QTGAL: variants seen among roughly 807,000 people sequenced by gnomAD.
QTGAL encodes the protein BGnT-like protein 1.
At chr17:83,018,610 T>C in the QTGAL span, among the ~76,000 whole-genome samples, 1 of 152,214 alleles carries the variant, frequency 6.6e-6, no homozygotes, top group Admixed American at 6.5e-5. Context: ...AGGGTTAAAA[T>C]TGGATAGAAC....
At chr17:83,038,155 T>G in the QTGAL span, among the ~76,000 whole-genome samples, 1 of 152,210 alleles carries the variant, frequency 6.6e-6, no homozygotes, top group Non-Finnish European at 1.5e-5. Flanking sequence ...ATCTATGTTA[T>G]CTAATAGTCA....
At chr17:83,002,372 A>G in the QTGAL span, among the ~76,000 whole-genome samples, 5 of 152,214 alleles carry the variant, frequency 3.3e-5, no homozygotes, top group Non-Finnish European at 7.4e-5. Flanking sequence ...GCCGAACCGC[A>G]TTCCGGTTTG....
the QTGAL span, among the ~76,000 whole-genome samples, chr17:83,016,520 C>T: frequency 8.7e-6 from 1 of 115,242 alleles, no homozygotes; most frequent in African/African-American, 3.3e-5. Flanking sequence ...GGGAAGAGGG[C>T]AGAAGAGGAG....
chr17:83,042,679 G>T, the QTGAL span, among the ~76,000 whole-genome samples: 1 of 148,362 alleles, frequency 6.7e-6, no homozygotes, highest in Non-Finnish European at 1.5e-5. Flanking sequence ...ATAGCAAAGT[G>T]GCAAAAGTCC....
chr17:82,965,239 C>G, the QTGAL span, among the ~76,000 whole-genome samples: 3 of 151,258 alleles, frequency 2.0e-5, no homozygotes, highest in African/African-American at 4.9e-5. Flanking sequence ...GGTGCACCCC[C>G]ATGGGGGGGA....
the QTGAL span, chr17:82,956,553 C>T: frequency 0.045 from 43,204 of 956,176 alleles, 2,665 homozygotes; most frequent in African/African-American, 0.26. This position sits in a 1 kb window ranked among gnomAD's most constrained non-coding sequence, Gnocchi z 5.7. Flanking sequence ...CTGTTGTGGA[C>T]GGCTGTGGCA....
At chr17:83,024,558 C>T in the QTGAL span, among the ~76,000 whole-genome samples, 9 of 152,286 alleles carry the variant, frequency 5.9e-5, no homozygotes, top group South Asian at 1.9e-3. Flanking sequence ...GTGTAGAGAC[C>T]GGGCTCTCTG....
the QTGAL span, chr17:83,005,459 G>A: frequency 9.5e-6 from 6 of 634,056 alleles, no homozygotes; most frequent in Admixed American, 2.3e-5. This position sits in a 1 kb window ranked among gnomAD's most constrained non-coding sequence, Gnocchi z 5.6. Context: ...GCATCTCGGC[G>A]GTGAACCACA....
the QTGAL span, among the ~76,000 whole-genome samples, chr17:83,039,269 C>G: frequency 7.4e-6 from 1 of 135,806 alleles, no homozygotes; most frequent in Non-Finnish European, 1.6e-5. Context: ...CGCCCCTGTT[C>G]TAGACACACT....
At chr17:83,041,359 T>G in the QTGAL span, among the ~76,000 whole-genome samples, 1 of 152,194 alleles carries the variant, frequency 6.6e-6, no homozygotes, top group African/African-American at 2.4e-5. Context: ...AATTCTCATA[T>G]TATTGAAAAA....
At chr17:82,955,021 C>G in the QTGAL span, among the ~76,000 whole-genome samples, 1 of 152,184 alleles carries the variant, frequency 6.6e-6, no homozygotes, top group Non-Finnish European at 1.5e-5. Flanking sequence ...CATAAATACC[C>G]TACATGAAAA....
chr17:83,034,441 C>A, the QTGAL span, among the ~76,000 whole-genome samples: 4 of 152,350 alleles, frequency 2.6e-5, no homozygotes, highest in South Asian at 6.2e-4. Flanking sequence ...AACCTATTGA[C>A]CTTAATTTTT....
chr17:82,965,639 T>C, the QTGAL span: 10 of 1,595,814 alleles, frequency 6.3e-6, no homozygotes, highest in Middle Eastern at 1.7e-4. Flanking sequence ...GATTCCCGCC[T>C]TCGGCCCTTA....
At chr17:82,996,165 T>C in the QTGAL span, among the ~76,000 whole-genome samples, 1 of 152,224 alleles carries the variant, frequency 6.6e-6, no homozygotes, top group African/African-American at 2.4e-5. Flanking sequence ...ATATCTATAC[T>C]ACCCAAAGCA....
chr17:83,029,672 T>C, the QTGAL span, among the ~76,000 whole-genome samples: 1 of 152,168 alleles, frequency 6.6e-6, no homozygotes, highest in Admixed American at 6.5e-5. Flanking sequence ...CCTTTCCTCA[T>C]GGTTCAGGAC....
the QTGAL span, among the ~76,000 whole-genome samples, chr17:83,041,178 A>G: frequency 6.6e-6 from 1 of 152,184 alleles, no homozygotes; most frequent in Non-Finnish European, 1.5e-5. Flanking sequence ...ACAGAGATAG[A>G]TGGGTAAGTC....
chr17:83,014,351 C>T, the QTGAL span: 1 of 1,292,182 alleles, frequency 7.7e-7, no homozygotes, highest in Non-Finnish European at 1.1e-6. Context: ...GACAGTCTCA[C>T]CATAGCCTGA....
At chr17:83,036,234 G>A in the QTGAL span, among the ~76,000 whole-genome samples, 2 of 152,244 alleles carry the variant, frequency 1.3e-5, no homozygotes, top group Admixed American at 6.5e-5. Flanking sequence ...CACACAGCGT[G>A]GGTGCCTCTC....
At chr17:82,980,631 TTATTCAAGGATACAGATGA>T in the QTGAL span, among the ~76,000 whole-genome samples, 1 of 152,212 alleles carries the variant, frequency 6.6e-6, no homozygotes, top group Non-Finnish European at 1.5e-5. Context: ...AAAAAGAATG[TTATTCAAGGATACAGATGA>T]AGAGATGACG....
Sources: allele counts gnomAD v4.1 joint callset (sites outside exome capture counted in the v4.1 genomes callset), GRCh38; gene constraint gnomAD v4.1.1; non-coding constraint Gnocchi (gnomAD v3.1); transcripts MANE v1.5; gene names NCBI Gene and HGNC (gene_info 2026-07-23, HGNC 2026-07-21).